Variants in LRP1B observed in about 807,000 individuals in gnomAD.
LRP1B encodes the protein LDL receptor related protein 1B.
A neutral mutation model predicts 556.6 loss-of-function variants in LRP1B; 217 were observed. The observed-to-expected ratio is 0.39, with a 90% confidence interval of 0.35 to 0.44. The LOEUF is 0.44. LRP1B is among the 20% of genes least tolerant of loss of function. LRP1B has a pLI of 1.00. For synonymous variants in LRP1B, 2,047 were observed against 1,865.8 expected (o/e 1.10, Z -2.50); for missense variants, 5,053 against 5,620.8 (o/e 0.90, Z 3.23).
At chr2:141,312,364 TTTTC>T (rs1489508673) in intron 3 of LRP1B, among the ~76,000 whole-genome samples, 3 of 152,204 alleles carry the variant, frequency 2.0e-5, no homozygotes, top group Non-Finnish European at 2.9e-5. Flanking sequence ...TTTAATAACA[TTTTC>T]TTTATCTTAC....
intron 23 of LRP1B, among the ~76,000 whole-genome samples, chr2:140,894,324 A>G (rs1693883895): frequency 6.6e-6 from 1 of 152,198 alleles, no homozygotes; most frequent in African/African-American, 2.4e-5. Flanking sequence ...ACAAGAAGAT[A>G]AAAACAAATT....
chr2:141,032,241 A>G lies in LRP1B; in HGVS notation c.1790-12139T>C, dbSNP rs558680272. ...ACCTCATTCATTTTAACGGCTACTT[A>G]ATATTATTGCTAACATAAATGCATC... is the stretch of plus-strand genomic sequence containing the variant. On this transcript the variant is annotated intron_variant, in intron 11 of 90. Coordinates refer to ENST00000389484, the MANE Select transcript of LRP1B (RefSeq NM_018557.3). Among the ~76,000 whole-genome samples the G allele has an allele frequency of 2.0e-5, 3 of 152,232 alleles. No homozygotes were observed. The South Asian group carries it at 6.2e-4, about 32-fold the overall frequency.
chr2:140,681,827 AT>A (rs1235248977), intron 41 of LRP1B, among the ~76,000 whole-genome samples: 1 of 152,010 alleles, frequency 6.6e-6, no homozygotes, highest in Non-Finnish European at 1.5e-5. Flanking sequence ...CAAATAAATT[AT>A]TTTTTCATGG....
chr2:141,524,086 CT>C (rs1266282682), intron 2 of LRP1B, among the ~76,000 whole-genome samples: 1 of 152,052 alleles, frequency 6.6e-6, no homozygotes, highest in African/African-American at 2.4e-5. Context: ...TTTAAGGGCA[CT>C]TAAAGTATCT....
chr2:140,577,047 A>C (rs1382695053), intron 43 of LRP1B, among the ~76,000 whole-genome samples: 1 of 139,446 alleles, frequency 7.2e-6, no homozygotes, highest in South Asian at 2.3e-4. Context: ...AAGATGTTGC[A>C]TACAAATAAA....
At chr2:140,607,517 C>A (rs115806670) in intron 41 of LRP1B, among the ~76,000 whole-genome samples, 2,684 of 152,032 alleles carry the variant, frequency 0.018, 39 homozygotes, top group South Asian at 0.036. Flanking sequence ...AGAAACAGCC[C>A]AGATGTCAAT....
chr2:140,526,240 A>C lies in LRP1B; in HGVS notation c.7873T>G (p.Cys2625Gly). ...DCADASDEKN[C>G]NNTDCTHFYK... Reference sequence around the variant, plus strand: ...AAAAGGTAGTGGAATATCTTACTGCAGTTCTTTTCATCTGAAGCATCTGCA... The same window carrying C: ...AAAAGGTAGTGGAATATCTTACTGCCGTTCTTTTCATCTGAAGCATCTGCA... Residue 2625 changes from cysteine (C) to glycine (G), a missense_variant, in exon 48 of 91, where the codon TGC becomes GGC. Coordinates refer to ENST00000389484, the MANE Select transcript of LRP1B (RefSeq NM_018557.3). The C allele has an allele frequency of 6.2e-7, 1 of 1,610,738 alleles. No homozygotes were observed. Among genetic ancestry groups the C allele is most frequent in the Non-Finnish European group, 8.5e-7 (1 of 1,177,596 alleles).
Position 141,058,328 on chromosome 2 carries a change from CTTTTT to C in LRP1B, c.1408+550_1408+554del, listed in dbSNP as rs879671521. Among the ~76,000 whole-genome samples, 70 of 151,864 alleles carry C rather than the reference CTTTTT, an allele frequency of 4.6e-4. 2 individuals are homozygous for C. The highest frequency in any genetic ancestry group is 1.7e-3 in the African/African-American group (69 of 41,474). ...TTTTGCTGGTGGCTTTTTATATTCT[CTTTTT>C]TTATGTATGATTGAACCTAAATTGT... On this transcript the variant is annotated intron_variant, in intron 9 of 90. Coordinates refer to ENST00000389484, the MANE Select transcript of LRP1B (RefSeq NM_018557.3).
At chr2:140,856,832 G>T (rs1692635060) in intron 27 of LRP1B, among the ~76,000 whole-genome samples, 1 of 151,910 alleles carries the variant, frequency 6.6e-6, no homozygotes, top group South Asian at 2.1e-4. Flanking sequence ...TAGAGGTAGG[G>T]ACATTTGGAT....
At chr2:141,508,093 A>G (rs1225337255) in intron 2 of LRP1B, among the ~76,000 whole-genome samples, 1 of 137,760 alleles carries the variant, frequency 7.3e-6, no homozygotes, top group Non-Finnish European at 1.6e-5. Flanking sequence ...CCCCCCCCCA[A>G]AAAAAAAGAA....
intron 1 of LRP1B, among the ~76,000 whole-genome samples, chr2:142,058,905 A>G (rs893445968): frequency 2.2e-4 from 34 of 152,126 alleles, no homozygotes; most frequent in African/African-American, 7.7e-4. Flanking sequence ...AACTTCGAGA[A>G]AGTTATTTCA....
intron 2 of LRP1B, among the ~76,000 whole-genome samples, chr2:141,611,377 A>T (rs1688103502): frequency 6.6e-6 from 1 of 152,222 alleles, no homozygotes; most frequent in East Asian, 1.9e-4. Context: ...GAGAAAAATG[A>T]TGCTTTTGAT....
chr2:141,563,906 G>T (rs549330919), intron 2 of LRP1B, among the ~76,000 whole-genome samples: 1 of 151,960 alleles, frequency 6.6e-6, no homozygotes, highest in African/African-American at 2.4e-5. Context: ...AAAGCTAACC[G>T]TTGGGTACTA....
intron 1 of LRP1B, among the ~76,000 whole-genome samples, chr2:141,938,486 G>A (rs904123783): frequency 1.3e-5 from 2 of 152,120 alleles, no homozygotes; most frequent in African/African-American, 4.8e-5. Flanking sequence ...GTACACTGTT[G>A]GTGGGAATGT....
At chr2:141,314,816 ATATATATATATGTG>A (rs1434165162) in intron 3 of LRP1B, among the ~76,000 whole-genome samples, 7 of 133,734 alleles carry the variant, frequency 5.2e-5, no homozygotes, top group Admixed American at 3.1e-4. Context: ...AAATTTATAT[ATATATATATATGTG>A]TATATATATA....
At chr2:141,379,369 G>A (rs1689555801) in intron 3 of LRP1B, among the ~76,000 whole-genome samples, 1 of 152,158 alleles carries the variant, frequency 6.6e-6, no homozygotes, top group Admixed American at 6.6e-5. Flanking sequence ...TAGAAGAAAT[G>A]TTAAAGGGAG....
At chr2:141,722,022 T>C (rs1023762575) in intron 2 of LRP1B, among the ~76,000 whole-genome samples, 1 of 152,202 alleles carries the variant, frequency 6.6e-6, no homozygotes, top group African/African-American at 2.4e-5. Context: ...CCCAAGTTAC[T>C]AGAGGATGCT....
chr2:141,686,022 T>C (rs1453324619), intron 2 of LRP1B, among the ~76,000 whole-genome samples: 1 of 152,052 alleles, frequency 6.6e-6, no homozygotes, highest in Non-Finnish European at 1.5e-5. Flanking sequence ...TGTAGAATAA[T>C]TCAGTTATAC....
intron 1 of LRP1B, among the ~76,000 whole-genome samples, chr2:141,854,121 G>T (rs993113241): frequency 6.6e-6 from 1 of 151,918 alleles, no homozygotes; most frequent in South Asian, 2.1e-4. Flanking sequence ...CAATTATGTT[G>T]CATTCATGTA....
Sources: gnomAD v4.1 joint callset for allele counts (sites outside exome capture counted in the v4.1 genomes callset) on GRCh38, gnomAD v4.1.1 for gene constraint, MANE v1.5 for transcripts, NCBI Gene and HGNC (gene_info 2026-07-23, HGNC 2026-07-21) for gene names.